Variants in STAB2 observed in about 807,000 individuals in gnomAD.
STAB2 encodes stabilin 2, also known as stabilin-2.
In STAB2, 288 loss-of-function variants were observed where a neutral mutation model predicts 338.1. The observed-to-expected ratio is 0.85, with a 90% CI of 0.77 to 0.94. STAB2 has a LOEUF of 0.94. STAB2 is among the 40% of genes least tolerant of loss of function. The pLI is 0.00. For missense variants in STAB2, 3,141 were observed against 3,210.1 expected (o/e 0.98, Z 0.52); for synonymous variants, 1,202 against 1,193.3 (o/e 1.01, Z -0.15).
At chr12:103,669,905 T>C (rs1875581762) in intron 21 of STAB2, among the ~76,000 whole-genome samples, 1 of 152,196 alleles carries the variant, frequency 6.6e-6, no homozygotes, top group Non-Finnish European at 1.5e-5. Flanking sequence ...ACGTTCCTCC[T>C]GTGGGAGATA....
At chr12:103,745,019 A>G (rs1276466292) in intron 56 of STAB2, among the ~76,000 whole-genome samples, 154 bp from the exon 57 acceptor site, 1 of 152,302 alleles carries the variant, frequency 6.6e-6, no homozygotes, top group Admixed American at 6.5e-5. Flanking sequence ...TCCCTGAATA[A>G]GTTATTTTTT....
intron 56 of STAB2, 149 bp from the exon 57 acceptor site, chr12:103,745,024 T>A (rs768782709): frequency 9.2e-6 from 6 of 652,726 alleles, no homozygotes; most frequent in Non-Finnish European, 1.5e-5. Flanking sequence ...GAATAAGTTA[T>A]TTTTTAGATG....
intron 6 of STAB2, among the ~76,000 whole-genome samples, chr12:103,633,597 G>T (rs1169739942): frequency 6.6e-6 from 1 of 152,186 alleles, no homozygotes; most frequent in East Asian, 1.9e-4. Flanking sequence ...CGGGAGAATC[G>T]CTCGAACCCG....
At chr12:103,743,266 C>T (rs1882738247) in intron 56 of STAB2, among the ~76,000 whole-genome samples, 2 of 152,062 alleles carry the variant, frequency 1.3e-5, no homozygotes, top group Admixed American at 1.3e-4. Flanking sequence ...AGGTGATCCA[C>T]CCGCCTCAGC....
chr12:103,717,184 G>T (rs1419672033), intron 43 of STAB2, among the ~76,000 whole-genome samples: 2 of 152,176 alleles, frequency 1.3e-5, no homozygotes, highest in East Asian at 1.9e-4. Flanking sequence ...CAGTGGCCGG[G>T]TGCTCCTGCG....
intron 20 of STAB2, 188 bp from the exon 21 acceptor site, chr12:103,669,353 G>A (rs75406276): frequency 3.4e-6 from 2 of 587,006 alleles, no homozygotes; most frequent in African/African-American, 3.7e-5. Flanking sequence ...CCAGGGGAGG[G>A]GCTCAGTAGA....
rs769501204 is a variant in STAB2 at position 103,695,545 on chromosome 12, T to C, written c.3376-5T>C. On this transcript the variant is annotated splice_region_variant and splice_polypyrimidine_tract_variant and intron_variant, in intron 31 of 68. Transcript: ENST00000388887. ...CTAACAGGATTCTGGGGTTTCTTTTTTCAGGTGCTGGTCCCACAAAGACGT... is the reference window on the plus strand; with the variant it reads ...CTAACAGGATTCTGGGGTTTCTTTTCTCAGGTGCTGGTCCCACAAAGACGT... The C allele has an allele frequency of 1.9e-6, 3 of 1,614,108 alleles. No homozygotes were observed. The highest frequency in any genetic ancestry group is 4.5e-5 in the East Asian group (2 of 44,886).
chr12:103,762,631 G>T (rs2139247957), intron 67 of STAB2, among the ~76,000 whole-genome samples: 1 of 152,280 alleles, frequency 6.6e-6, no homozygotes, highest in Non-Finnish European at 1.5e-5. Context: ...GCTGAGACAG[G>T]GCTTGGCAAG....
chr12:103,640,402 G>A lies in STAB2; in HGVS notation c.1040+146G>A, dbSNP rs1051064938. The A allele has an allele frequency of 3.3e-5, 32 of 982,132 alleles. 1 individual carries two copies. The highest frequency in any genetic ancestry group is 4.4e-6 in the Non-Finnish European group (3 of 674,990). The allele number at this position is 982,132 out of a possible 1,614,324, so 60.8% of individuals were successfully genotyped here. On this transcript the variant is annotated intron_variant, in intron 9 of 68. Coordinates refer to ENST00000388887, the MANE Select transcript of STAB2 (RefSeq NM_017564.10). ...CCACATAGTAGGAGCAAGGATTGTA[G>A]TAGGTACTCAATAAATCTTTAATTA...
intron 3 of STAB2, among the ~76,000 whole-genome samples, chr12:103,618,792 C>T (rs969725803): frequency 6.6e-6 from 1 of 152,044 alleles, no homozygotes; most frequent in Non-Finnish European, 1.5e-5. Flanking sequence ...CAAATGCATC[C>T]TTTATTATTA....
chr12:103,711,692 A>G (rs1879876005), intron 40 of STAB2, among the ~76,000 whole-genome samples, 176 bp downstream of exon 40: 1 of 152,202 alleles, frequency 6.6e-6, no homozygotes, highest in Admixed American at 6.5e-5. Flanking sequence ...AAATAGCCAG[A>G]TCCAGGCTTT....
At chr12:103,678,875 C>T (rs1876634968) in intron 25 of STAB2, among the ~76,000 whole-genome samples, 1 of 152,074 alleles carries the variant, frequency 6.6e-6, no homozygotes, top group African/African-American at 2.4e-5. Context: ...TTAGGGCCTC[C>T]CTCTGTGGCT....
intron 19 of STAB2, among the ~76,000 whole-genome samples, chr12:103,666,968 A>G (rs1326515984): frequency 1.3e-5 from 2 of 152,254 alleles, no homozygotes; most frequent in African/African-American, 4.8e-5. Flanking sequence ...TAAAAAGGAA[A>G]ACAGTTGTGC....
chr12:103,627,805 T>G (rs971564030), intron 5 of STAB2, among the ~76,000 whole-genome samples: 2 of 152,370 alleles, frequency 1.3e-5, no homozygotes, highest in African/African-American at 4.8e-5. Context: ...AGGAGCCCTC[T>G]GTGCCCCTCA....
At chr12:103,633,873 T>C (rs769689055) in intron 6 of STAB2, among the ~76,000 whole-genome samples, 3 of 152,188 alleles carry the variant, frequency 2.0e-5, no homozygotes, top group Non-Finnish European at 4.4e-5. Context: ...AGTAAGAATG[T>C]GGATTCCTAC....
chr12:103,654,615 G>A lies in STAB2; in HGVS notation c.1468G>A (p.Asp490Asn), dbSNP rs768080923. ...GKKKVKIIQG[D>N]IIASNGLLHI... ...AAAGAAGGTAAAAATTATACAAGGG[G>A]ACATCATTGCTTCCAATGGGCTTCT... Residue 490 changes from aspartate to asparagine, a missense_variant, in exon 13 of 69, where the codon GAC becomes AAC. Asp to Asn is a conservative substitution (Grantham distance 23). Coordinates refer to ENST00000388887, the MANE Select transcript of STAB2 (RefSeq NM_017564.10). The A allele has an allele frequency of 6.2e-7, 1 of 1,614,160 alleles. No homozygotes were observed. The highest frequency in any genetic ancestry group is 8.5e-7 in the Non-Finnish European group (1 of 1,180,012).
chr12:103,725,139 A>C (rs1384054306), intron 45 of STAB2, 45 bp downstream of exon 45: 1 of 1,588,966 alleles, frequency 6.3e-7, no homozygotes, highest in African/African-American at 1.3e-5. Context: ...ACTTCCCTAA[A>C]AATGCCAAGA....
In STAB2 at chr12:103,737,771, C is replaced by A. The variant is rs564950183; in HGVS notation, c.5688C>A (p.Phe1896Leu). 4.3e-6 allele frequency: 7 copies of A among 1,613,710 alleles called. No individual in the cohort carries two copies. The highest frequency in any genetic ancestry group is 5.9e-6 in the Non-Finnish European group (7 of 1,179,966). ...LGGRCDTFTTFDASGECGSCV... is the reference protein window; with the variant it reads ...LGGRCDTFTTLDASGECGSCV... ...GCCGCTGTGACACCTTTACTACTTT[C>A]GATGCCTCGGTCAGTCCTAAAAACA... The change falls in exon 53 of 69, where the codon TTC becomes TTA. Residue 1896 changes from phenylalanine (F) to leucine (L), a missense_variant. Coordinates refer to ENST00000388887, the MANE Select transcript of STAB2 (RefSeq NM_017564.10).
At chr12:103,746,565 G>T (rs762428678) in intron 57 of STAB2, 32 bp from the exon 58 acceptor site, 1 of 1,604,060 alleles carries the variant, frequency 6.2e-7, no homozygotes, top group South Asian at 1.1e-5. Context: ...CACACCATGG[G>T]TACAGAATGA....
Sources: gnomAD v4.1 joint callset for allele counts (sites outside exome capture counted in the v4.1 genomes callset) on GRCh38, gnomAD v4.1.1 for gene constraint, MANE v1.5 for transcripts, NCBI Gene and HGNC (gene_info 2026-07-23, HGNC 2026-07-21) for gene names.